Variants in RGS10 observed in about 807,000 individuals in gnomAD.
RGS10 encodes the protein regulator of G-protein signalling 10.
Under a neutral mutation model 23.5 loss-of-function variants are expected in RGS10, and 11 were observed. That is an observed-to-expected ratio of 0.47 (90% CI 0.29 to 0.77). The LOEUF (loss-of-function observed/expected upper bound fraction) is 0.77. Among genes scored for constraint, RGS10 ranks in the 30% least tolerant of loss-of-function variants. The probability of loss-of-function intolerance (pLI) is 0.08; values close to 1 mark genes in which losing one functional copy is unlikely to be tolerated. For synonymous variants in RGS10, 77 were observed against 83.2 expected (o/e 0.92, Z 0.41); for missense variants, 180 against 226.3 (o/e 0.80, Z 1.31).
intron 1 of RGS10, among the ~76,000 whole-genome samples, chr10:119,534,249 C>T (rs1322306892): frequency 7.1e-6 from 1 of 140,540 alleles, no homozygotes; most frequent in African/African-American, 2.7e-5. Flanking sequence ...AAACAAGAAC[C>T]TGTCTTAAAA....
chr10:119,536,866 T>C (rs1844393728), intron 1 of RGS10, among the ~76,000 whole-genome samples: 1 of 152,134 alleles, frequency 6.6e-6, no homozygotes, highest in Admixed American at 6.6e-5. Flanking sequence ...CCTCCTACTC[T>C]GCCTCAATCT....
rs1044291578 is a variant in RGS10 at position 119,499,983 on chromosome 10, AAC to A, written c.*128_*129del. 1.1e-5 allele frequency: 9 copies of A among 853,054 alleles called. No individual in the cohort carries two copies. The Admixed American group carries it at 2.6e-4, about 25-fold the overall frequency. The allele number at this position is 853,054 out of a possible 1,614,324, so 52.8% of individuals were successfully genotyped here. The stretch of plus-strand genomic sequence containing the variant: ...AATTTACTGGTGAAGCAGTTAATAA[AAC>A]ACACATCCCATTGAAGGGTTTTGTA... On this transcript the variant is annotated 3_prime_UTR_variant, in exon 5 of 5. Coordinates refer to ENST00000369103, the MANE Select transcript of RGS10 (RefSeq NM_001005339.2).
chr10:119,539,934 C>T (rs1299013091), intron 1 of RGS10, among the ~76,000 whole-genome samples: 1 of 145,064 alleles, frequency 6.9e-6, no homozygotes, highest in Non-Finnish European at 1.5e-5. Context: ...TGAGGATCCT[C>T]TTTAAGAAAA....
At chr10:119,522,907 T>C (rs574413833) in intron 3 of RGS10, among the ~76,000 whole-genome samples, 6 of 151,430 alleles carry the variant, frequency 4.0e-5, no homozygotes, top group Admixed American at 6.6e-5. Context: ...AGACAGGGTG[T>C]CACTTTGTCA....
At chr10:119,503,765 G>A (rs995685596) in intron 4 of RGS10, among the ~76,000 whole-genome samples, 1 of 152,182 alleles carries the variant, frequency 6.6e-6, no homozygotes. Flanking sequence ...CCTTCTCCCT[G>A]CGTCTTCACA....
At position 119,518,499 on chromosome 10, in the gene RGS10, A is replaced by G. The variant is rs143176148; in HGVS notation, c.256-2847T>C. On this transcript the variant is annotated intron_variant, in intron 3 of 4. Coordinates refer to ENST00000369103, the MANE Select transcript of RGS10 (RefSeq NM_001005339.2). ...CCCGGCTCCCTGCAGGTGCACGATC[A>G]GGAGAAGCAAATTCACTTTCCTATC... Among the ~76,000 whole-genome samples the G allele has an allele frequency of 4.6e-5, 7 of 152,306 alleles. No homozygotes were observed. In the East Asian group the frequency reaches 1.3e-3, roughly 29 times the overall value.
Position 119,528,647 on chromosome 10 carries a change from T to C in RGS10, c.50-1223A>G, listed in dbSNP as rs947509840. Among the ~76,000 whole-genome samples the C allele has an allele frequency of 5.8e-4, 88 of 151,728 alleles. 1 individual carries two copies. The highest frequency in any genetic ancestry group is 5.6e-3 in the Admixed American group (85 of 15,214). On this transcript the variant is annotated intron_variant, in intron 1 of 4. Transcript: ENST00000369103. Reference sequence around the variant, plus strand: ...GCCAAGGCAGGCAGATCACCAGAGGTCAGGAGTGAAACCTCATCTCTACTA... The same window carrying C: ...GCCAAGGCAGGCAGATCACCAGAGGCCAGGAGTGAAACCTCATCTCTACTA...
chr10:119,528,216 A>C (rs544899687), intron 1 of RGS10, among the ~76,000 whole-genome samples: 2 of 152,208 alleles, frequency 1.3e-5, no homozygotes, highest in Non-Finnish European at 2.9e-5. Flanking sequence ...TTCTTAATAG[A>C]GACGGGGTTT....
intron 1 of RGS10, among the ~76,000 whole-genome samples, chr10:119,539,616 C>A (rs1844419435): frequency 1.3e-5 from 2 of 152,202 alleles, no homozygotes; most frequent in South Asian, 4.1e-4. Flanking sequence ...CAGTCCCCAA[C>A]ACTGAATCAG....
At chr10:119,541,166 C>T (rs968348414) in intron 1 of RGS10, among the ~76,000 whole-genome samples, 4 of 152,204 alleles carry the variant, frequency 2.6e-5, no homozygotes, top group African/African-American at 9.6e-5. Context: ...TGCTGAATGA[C>T]AGAGTCAAGG....
rs1844255552 is a variant in RGS10, at chr10:119,524,860, CCGCG to C, written c.255+1168_255+1171del. Among the ~76,000 whole-genome samples, 1 of 152,156 alleles carries C rather than the reference CCGCG, an allele frequency of 6.6e-6. No homozygotes were observed. The highest frequency in any genetic ancestry group is 1.5e-5 in the Non-Finnish European group (1 of 68,038). ...AGAGAGGAAGGTGGTGGAGAAAAGGCCGCGCTGCGCCATCCAGGAGGATGGGTGT... is the reference window on the plus strand; with the variant it reads ...AGAGAGGAAGGTGGTGGAGAAAAGGCCTGCGCCATCCAGGAGGATGGGTGT... On this transcript the variant is annotated intron_variant, in intron 3 of 4. Transcript: ENST00000369103. This position sits in a 1 kb window ranked among gnomAD's most constrained non-coding sequence, Gnocchi z 5.2.
chr10:119,516,120 T>C (rs898293591), intron 3 of RGS10, among the ~76,000 whole-genome samples: 2 of 151,960 alleles, frequency 1.3e-5, no homozygotes, highest in Admixed American at 1.3e-4. Context: ...GGCGTGGTGG[T>C]GCAAACCTGT....
chr10:119,511,533 C>T (rs1431943734), intron 4 of RGS10, among the ~76,000 whole-genome samples: 2 of 152,134 alleles, frequency 1.3e-5, no homozygotes, highest in Non-Finnish European at 2.9e-5. Flanking sequence ...GTAGGAGAAT[C>T]GCTTGAATCC....
At chr10:119,512,921 G>A (rs992102684) in intron 4 of RGS10, among the ~76,000 whole-genome samples, 3 of 152,152 alleles carry the variant, frequency 2.0e-5, no homozygotes, top group African/African-American at 7.2e-5. Context: ...CTGCACATCT[G>A]TTTGGTGTGC....
intron 4 of RGS10, among the ~76,000 whole-genome samples, chr10:119,505,282 A>C (rs190229881): frequency 6.6e-6 from 1 of 151,154 alleles, no homozygotes; most frequent in East Asian, 2.0e-4. Context: ...CTGCTGGTGA[A>C]GCGGAAAACT....
In RGS10 at chr10:119,508,650, G is replaced by C. The variant is rs561616899; in HGVS notation, c.399+6859C>G. 2.4e-4 allele frequency among the ~76,000 whole-genome samples: 36 copies of C among 152,334 alleles called. No homozygotes were observed. In the South Asian group the frequency reaches 7.0e-3, roughly 30 times the overall value. ...ATTCTTCAATGTTTGAGTACAGCCT[G>C]AAAGGACCAATAACGTCATCGATTT... On this transcript the variant is annotated intron_variant, in intron 4 of 4. Transcript: ENST00000369103.
chr10:119,499,937 G>T lies in RGS10; in HGVS notation c.*176C>A. ...CAAGTTATTATTATTCTTTTTTTATGTTAGCTTAGCCATCATGCAAAATTT... is the reference window on the plus strand; with the variant it reads ...CAAGTTATTATTATTCTTTTTTTATTTTAGCTTAGCCATCATGCAAAATTT... On this transcript the variant is annotated 3_prime_UTR_variant, in exon 5 of 5. Transcript: ENST00000369103. 4 of 551,584 alleles carry T rather than the reference G, an allele frequency of 7.3e-6. No homozygotes were observed. Among genetic ancestry groups the T allele is most frequent in the Non-Finnish European group, 6.2e-6 (2 of 324,518 alleles). The allele number at this position is 551,584 out of a possible 1,614,324, so 34.2% of individuals were successfully genotyped here. A position where few individuals can be genotyped will look rare whatever the true frequency, so the allele number is the denominator to read the frequency against.
chr10:119,500,890 A>C (rs1202023048), intron 4 of RGS10, among the ~76,000 whole-genome samples: 1 of 152,136 alleles, frequency 6.6e-6, no homozygotes, highest in Non-Finnish European at 1.5e-5. Flanking sequence ...GCTGGGGAGC[A>C]CATCCCTAGA....
Position 119,527,311 on chromosome 10 carries a change from A to T in RGS10, c.163T>A (p.Phe55Ile). 6.2e-7 allele frequency: 1 copy of T among 1,611,508 alleles called. No homozygotes were observed. Among genetic ancestry groups the T allele is most frequent in the Non-Finnish European group, 8.5e-7 (1 of 1,177,742 alleles). ...TAACAATGAAAAAGACAAACCCTAA[A>T]TCTTTTCACGCCTTCTGGGTCTTCC... ...LLEDPEGVKR[F>I]REFLKKEFSE... The change falls in exon 2 of 5, where the codon TTT becomes ATT. Residue 55 changes from phenylalanine (F) to isoleucine (I), a missense_variant. Transcript: ENST00000369103. This position sits in a 1 kb window ranked among gnomAD's most constrained non-coding sequence, Gnocchi z 4.2.
Sources: gnomAD v4.1 joint callset for allele counts (sites outside exome capture counted in the v4.1 genomes callset) on GRCh38, gnomAD v4.1.1 for gene constraint, Gnocchi (gnomAD v3.1) non-coding constraint, MANE v1.5 for transcripts, NCBI Gene and HGNC (gene_info 2026-07-23, HGNC 2026-07-21) for gene names.